The following EFEMP1 variants were observed in gnomAD, a reference collection of about 807,000 sequenced individuals.
The protein encoded by EFEMP1 is EGF-like fibulin extracellular matrix protein 1.
A neutral mutation model predicts 65.7 loss-of-function variants in EFEMP1; 18 were observed. The ratio of observed to expected loss-of-function variants is 0.27; its 90% CI spans 0.19 to 0.41. EFEMP1 has a LOEUF of 0.41. Among genes scored for constraint, EFEMP1 ranks in the 10% least tolerant of loss-of-function variants. EFEMP1 has a pLI of 1.00. For synonymous variants in EFEMP1, 237 were observed against 219.7 expected, an observed-to-expected ratio of 1.08 and a Z score of -0.70; for missense variants, 469 against 624.8, an observed-to-expected ratio of 0.75 and a Z score of 2.66.
Position 55,921,878 on chromosome 2 carries a change from T to C in EFEMP1, c.81+482A>G, listed in dbSNP as rs552733469. ...AAGTTATACAAAAAGAATGAATATA[T>C]AGCCTTTATAAATTCAATAAAGGCC... On this transcript the variant is annotated intron_variant, in intron 3 of 11. Transcript: ENST00000355426. The surrounding 1 kb of genome is among the most constrained non-coding windows in gnomAD (Gnocchi z 4.1). The C allele has an allele frequency of 2.0e-4, 37 of 184,086 alleles. No homozygotes were observed. The South Asian group carries it at 4.1e-3, about 20-fold the overall frequency. The allele number at this position is 184,086 out of a possible 1,614,324, so 11.4% of individuals were successfully genotyped here.
In EFEMP1 at chr2:55,880,474, T is replaced by C. The variant is rs962056365; in HGVS notation, c.640+1138A>G. Among the ~76,000 whole-genome samples, 3 of 152,314 alleles carry C rather than the reference T, an allele frequency of 2.0e-5. No individual in the cohort carries two copies. The East Asian group carries it at 5.8e-4, about 29-fold the overall frequency. On this transcript the variant is annotated intron_variant, in intron 6 of 11. Coordinates refer to ENST00000355426, the MANE Select transcript of EFEMP1 (RefSeq NM_001039348.3). ...CTCTTCTTTTAAATCACAGCTTCAT[T>C]TATAGCAAACCCTGGGCCTTCCTCA...
rs1259082911 is a variant in EFEMP1, at chr2:55,871,154, A to G, written c.1001-31T>C. On this transcript the variant is annotated intron_variant, in intron 9 of 11. Transcript: ENST00000355426. This position sits in a 1 kb window ranked among gnomAD's most constrained non-coding sequence, Gnocchi z 4.2. ...GAGATGTAGGGTCAAAGAGTTTACT[A>G]ACTAAACTAATGAACTGATCTAATT... 1 of 1,612,718 alleles carries G rather than the reference A, an allele frequency of 6.2e-7. No homozygotes were observed. The highest frequency in any genetic ancestry group is 8.5e-7 in the Non-Finnish European group (1 of 1,179,262).
chr2:55,872,653 A>G (rs951537018), intron 9 of EFEMP1, among the ~76,000 whole-genome samples: 2 of 152,098 alleles, frequency 1.3e-5, no homozygotes, highest in African/African-American at 2.4e-5. Context: ...AAAGTATTTT[A>G]GCTTCCAAAC....
At chr2:55,893,515 G>A (rs532849604) in intron 5 of EFEMP1, among the ~76,000 whole-genome samples, 1 of 152,230 alleles carries the variant, frequency 6.6e-6, no homozygotes, top group East Asian at 1.9e-4. Context: ...TGTGTCCTGG[G>A]AAAGTTATTT....
At position 55,919,399 on chromosome 2, in the gene EFEMP1, G is replaced by A. The variant is rs1402490889; in HGVS notation, c.82-1132C>T. Among the ~76,000 whole-genome samples, 1 of 152,106 alleles carries A rather than the reference G, an allele frequency of 6.6e-6. No individual in the cohort carries two copies. The highest frequency in any genetic ancestry group is 2.4e-5 in the African/African-American group (1 of 41,412). On this transcript the variant is annotated intron_variant, in intron 3 of 11. Transcript: ENST00000355426. The surrounding 1 kb of genome is among the most constrained non-coding windows in gnomAD (Gnocchi z 4.5). ...TTTGATTCTGTAGGTCTGGGTAGGGGGCCTGGAATCTAAATTCTTAGCAAG... is the reference window on the plus strand; with the variant it reads ...TTTGATTCTGTAGGTCTGGGTAGGGAGCCTGGAATCTAAATTCTTAGCAAG...
At chr2:55,920,886 A>G (rs1572854881) in intron 3 of EFEMP1, among the ~76,000 whole-genome samples, 1 of 152,372 alleles carries the variant, frequency 6.6e-6, no homozygotes, top group East Asian at 1.9e-4. Flanking sequence ...TATTAGGCAT[A>G]CAAAATTTAA....
chr2:55,915,769 T>A (rs1196803701), intron 5 of EFEMP1, among the ~76,000 whole-genome samples: 3 of 152,358 alleles, frequency 2.0e-5, no homozygotes, highest in East Asian at 3.9e-4. Flanking sequence ...AGTCTAGTTA[T>A]ATAACTAAAT....
chr2:55,907,190 A>T (rs1390129909), intron 5 of EFEMP1, among the ~76,000 whole-genome samples: 1 of 152,226 alleles, frequency 6.6e-6, no homozygotes, highest in Non-Finnish European at 1.5e-5. Context: ...ATCATCAACT[A>T]TGATCAGTTT....
rs768780443 is a variant in EFEMP1, at chr2:55,875,335, TACACAC to T, written c.881-276_881-271del. 8.0e-5 allele frequency among the ~76,000 whole-genome samples: 10 copies of T among 125,432 alleles called. No individual in the cohort carries two copies. In the East Asian group the frequency reaches 1.1e-3, roughly 14 times the overall value. 82.3% of individuals were successfully genotyped at this position (125,432 alleles called of 152,430 possible). On this transcript the variant is annotated intron_variant, in intron 8 of 11. Coordinates refer to ENST00000355426, the MANE Select transcript of EFEMP1 (RefSeq NM_001039348.3). ...TCTTAAGTTGCCTGGGTTTCATATA[TACACAC>T]ACACACACACACACACACACACACA...
At chr2:55,915,774 CTAAA>C (rs1670653970) in intron 5 of EFEMP1, among the ~76,000 whole-genome samples, 1 of 152,088 alleles carries the variant, frequency 6.6e-6, no homozygotes, top group African/African-American at 2.4e-5. Context: ...AGTTATATAA[CTAAA>C]TAACACAATT....
intron 5 of EFEMP1, among the ~76,000 whole-genome samples, chr2:55,903,392 A>G (rs1216095183): frequency 6.6e-6 from 1 of 152,250 alleles, no homozygotes; most frequent in African/African-American, 2.4e-5. Context: ...TGCAGAAAGT[A>G]GAAGATGAAG....
intron 5 of EFEMP1, among the ~76,000 whole-genome samples, chr2:55,884,103 T>C (rs547419408): frequency 6.6e-5 from 10 of 152,316 alleles, no homozygotes; most frequent in Admixed American, 6.5e-4. Flanking sequence ...TTTCCATTTA[T>C]GGCTTCTCTG....
intron 3 of EFEMP1, among the ~76,000 whole-genome samples, chr2:55,920,340 T>C (rs925223823): frequency 1.3e-5 from 2 of 152,256 alleles, no homozygotes; most frequent in African/African-American, 2.4e-5. Flanking sequence ...TCATTTGTCC[T>C]TGCTTAGGAA....
At position 55,921,688 on chromosome 2, in the gene EFEMP1, G is replaced by A. The variant is rs1461682530; in HGVS notation, c.81+672C>T. Among the ~76,000 whole-genome samples the A allele has an allele frequency of 6.6e-6, 1 of 152,092 alleles. No individual in the cohort carries two copies. The highest frequency in any genetic ancestry group is 1.5e-5 in the Non-Finnish European group (1 of 68,032). Reference sequence around the variant, plus strand: ...CTTTTTAATATTTTATTAAACATTGGTTACACCTATGCAACTAACTAATCA... The same window carrying A: ...CTTTTTAATATTTTATTAAACATTGATTACACCTATGCAACTAACTAATCA... On this transcript the variant is annotated intron_variant, in intron 3 of 11. Coordinates refer to ENST00000355426, the MANE Select transcript of EFEMP1 (RefSeq NM_001039348.3). The surrounding 1 kb of genome is among the most constrained non-coding windows in gnomAD (Gnocchi z 4.1).
At position 55,877,060 on chromosome 2, in the gene EFEMP1, TC is replaced by T. The variant is rs1392893071; in HGVS notation, c.761-319del. On this transcript the variant is annotated intron_variant, in intron 7 of 11. Coordinates refer to ENST00000355426, the MANE Select transcript of EFEMP1 (RefSeq NM_001039348.3). This position sits in a 1 kb window ranked among gnomAD's most constrained non-coding sequence, Gnocchi z 4.5. Reference sequence around the variant, plus strand: ...TTTAATGCTTCTAATAAATATACACTCCGGTATCGATTTTCTTTTGTTGTTC... The same window carrying T: ...TTTAATGCTTCTAATAAATATACACTCGGTATCGATTTTCTTTTGTTGTTC... 6.6e-6 allele frequency among the ~76,000 whole-genome samples: 1 copy of T among 152,160 alleles called. No homozygotes were observed. Among genetic ancestry groups the T allele is most frequent in the East Asian group, 1.9e-4 (1 of 5,198 alleles).
chr2:55,876,477 T>A, intron 8 of EFEMP1, 146 bp downstream of exon 8: 1 of 1,121,894 alleles, frequency 8.9e-7, no homozygotes. Context: ...AAAAAGGCAA[T>A]GTAACAACTG....
Position 55,867,142 on chromosome 2 carries a change from G to T in EFEMP1, c.1413C>A (p.Ser471Arg), listed in dbSNP as rs374690853. 1.9e-6 allele frequency: 3 copies of T among 1,613,866 alleles called. No individual in the cohort carries two copies. Among genetic ancestry groups the T allele is most frequent in the Admixed American group, 3.3e-5 (2 of 60,016 alleles). Residue 471 changes from serine (S) to arginine (R), a missense_variant, in exon 12 of 12, where the codon AGC becomes AGA. This residue lies in a region of EFEMP1 where 399 missense variants were observed against 528.2 expected (regional missense o/e 0.76). Coordinates refer to ENST00000355426, the MANE Select transcript of EFEMP1 (RefSeq NM_001039348.3). The surrounding 1 kb of genome is among the most constrained non-coding windows in gnomAD (Gnocchi z 4.3). The stretch of plus-strand genomic sequence containing the variant: ...AGCTTGTGCGGAAGGTCCCTATACT[G>T]CTGACTGTCAGCATCTCCAGGTCCA... ...HIVDLEMLTVSSIGTFRTSSV... is the reference protein window; with the variant it reads ...HIVDLEMLTVRSIGTFRTSSV...
intron 5 of EFEMP1, among the ~76,000 whole-genome samples, chr2:55,902,910 C>T (rs1207572329): frequency 6.6e-6 from 1 of 152,192 alleles, no homozygotes; most frequent in African/African-American, 2.4e-5. Context: ...CATCACCATA[C>T]ATCCACAAGG....
In EFEMP1 at chr2:55,922,874, G is replaced by T. The variant is rs753186872; in HGVS notation, c.-8+25C>A. 1 of 1,142,144 alleles carries T rather than the reference G, an allele frequency of 8.8e-7. No individual in the cohort carries two copies. The highest frequency in any genetic ancestry group is 1.1e-6 in the Non-Finnish European group (1 of 919,246). The allele number at this position is 1,142,144 out of a possible 1,614,324, so 70.8% of individuals were successfully genotyped here. A position where few individuals can be genotyped will look rare whatever the true frequency, so the allele number is the denominator to read the frequency against. ...GCTGCAAAACTCTGTTCTCTAGAAC[G>T]TTAAGGCTTTCCCAGTATACTCACC... On this transcript the variant is annotated intron_variant, in intron 2 of 11. Coordinates refer to ENST00000355426, the MANE Select transcript of EFEMP1 (RefSeq NM_001039348.3). This position sits in a 1 kb window ranked among gnomAD's most constrained non-coding sequence, Gnocchi z 5.5.
Sources: allele counts gnomAD v4.1 joint callset (sites outside exome capture counted in the v4.1 genomes callset), GRCh38; gene constraint gnomAD v4.1.1; regional missense constraint gnomAD v4.1.1; non-coding constraint Gnocchi (gnomAD v3.1); transcripts MANE v1.5; gene names NCBI Gene and HGNC (gene_info 2026-07-23, HGNC 2026-07-21).